Variants in TSHZ2 observed in about 807,000 individuals in gnomAD.
TSHZ2 encodes teashirt homolog 2.
In TSHZ2, 21 loss-of-function variants were observed where a neutral mutation model predicts 74.4. That is an observed-to-expected ratio of 0.28 (90% CI 0.20 to 0.41). The LOEUF (loss-of-function observed/expected upper bound fraction) is 0.41. Among genes scored for constraint, TSHZ2 ranks in the 10% least tolerant of loss-of-function variants. The pLI is 1.00. For synonymous variants in TSHZ2, 540 were observed against 515.3 expected (o/e 1.05, Z -0.65); for missense variants, 1,244 against 1,293.5 (o/e 0.96, Z 0.59).
chr20:53,207,054 A>G (rs2123597842), intron 1 of TSHZ2, among the ~76,000 whole-genome samples: 1 of 152,320 alleles, frequency 6.6e-6, no homozygotes, highest in Non-Finnish European at 1.5e-5. Flanking sequence ...CTGACAAATT[A>G]TCGACTCAAA....
chr20:53,304,178 A>G (rs1291582725), intron 2 of TSHZ2, among the ~76,000 whole-genome samples: 1 of 133,694 alleles, frequency 7.5e-6, no homozygotes, highest in African/African-American at 2.8e-5. Context: ...TCCTAAAGCT[A>G]ACCCTCCCCC....
At chr20:53,378,919 A>G (rs952915335) in intron 2 of TSHZ2, among the ~76,000 whole-genome samples, 1 of 152,204 alleles carries the variant, frequency 6.6e-6, no homozygotes, top group Admixed American at 6.5e-5. Flanking sequence ...ACAGTAAACA[A>G]ATTATTCTTT....
intron 2 of TSHZ2, among the ~76,000 whole-genome samples, chr20:53,314,582 A>G (rs1978921672): frequency 6.7e-6 from 1 of 148,918 alleles, no homozygotes; most frequent in Non-Finnish European, 1.5e-5. Flanking sequence ...TCTCCTTCCA[A>G]TCTCCTTACG....
At chr20:53,472,261 G>A (rs544954346) in intron 2 of TSHZ2, among the ~76,000 whole-genome samples, 152 of 152,336 alleles carry the variant, frequency 1.0e-3, no homozygotes, top group African/African-American at 3.6e-3. Flanking sequence ...GGGCAGATAG[G>A]CGCAGGCCTG....
At chr20:53,374,764 A>G (rs1176064897) in intron 2 of TSHZ2, among the ~76,000 whole-genome samples, 2 of 152,100 alleles carry the variant, frequency 1.3e-5, no homozygotes, top group African/African-American at 4.8e-5. Flanking sequence ...GCATTTTCTC[A>G]TATGCTTCTT....
chr20:53,215,519 C>T (rs1989415817), intron 1 of TSHZ2, among the ~76,000 whole-genome samples: 1 of 149,596 alleles, frequency 6.7e-6, no homozygotes, highest in African/African-American at 2.5e-5. Context: ...TGGAGGCATC[C>T]TAGATTTTTT....
chr20:53,209,985 A>G (rs1568814673), intron 1 of TSHZ2, among the ~76,000 whole-genome samples: 1 of 152,182 alleles, frequency 6.6e-6, no homozygotes, highest in Non-Finnish European at 1.5e-5. Context: ...CCCTCTACAA[A>G]TGCGTTTCAA....
intron 1 of TSHZ2, among the ~76,000 whole-genome samples, chr20:53,068,762 CAT>C (rs1188271205): frequency 6.6e-6 from 1 of 152,054 alleles, no homozygotes; most frequent in Non-Finnish European, 1.5e-5. Flanking sequence ...ATAGGACACC[CAT>C]ATGACTTTTA....
At chr20:53,184,179 A>G (rs186254473) in intron 1 of TSHZ2, among the ~76,000 whole-genome samples, 1 of 152,078 alleles carries the variant, frequency 6.6e-6, no homozygotes, top group Non-Finnish European at 1.5e-5. Context: ...CTTTCCATGC[A>G]TTCTCTCCTT....
At chr20:53,485,960 T>C (rs536867744) in intron 2 of TSHZ2, among the ~76,000 whole-genome samples, 1 of 152,316 alleles carries the variant, frequency 6.6e-6, no homozygotes, top group East Asian at 1.9e-4. Flanking sequence ...CAGATTGTTG[T>C]ACAAACATAA....
intron 1 of TSHZ2, among the ~76,000 whole-genome samples, chr20:53,104,532 T>G (rs1049147184): frequency 1.3e-5 from 2 of 152,136 alleles, no homozygotes; most frequent in Admixed American, 6.5e-5. Context: ...ACCAAAGTCT[T>G]TGTGTGTTTT....
rs754714953 is a variant in TSHZ2, at chr20:53,254,301, C to A, written c.843C>A (p.Gly281=). The A allele has an allele frequency of 2.5e-6, 4 of 1,613,946 alleles. No homozygotes were observed. The highest frequency in any genetic ancestry group is 3.4e-6 in the Non-Finnish European group (4 of 1,180,016). The change falls in exon 2 of 3, where the codon GGC becomes GGA. Residue 281 remains glycine, a synonymous_variant. Coordinates refer to ENST00000371497, the MANE Select transcript of TSHZ2 (RefSeq NM_173485.6). The part of the protein sequence containing the change: ...AQKVLKCMFC[G]DSFDSLQDLS... ...AGGTTCTGAAATGTATGTTTTGTGG[C>A]GACTCCTTTGATTCCCTCCAAGATT...
intron 1 of TSHZ2, among the ~76,000 whole-genome samples, chr20:53,028,056 A>G (rs1219193896): frequency 6.6e-6 from 1 of 152,200 alleles, no homozygotes; most frequent in East Asian, 1.9e-4. Context: ...AGCTGATTTC[A>G]GAGCCATTAA....
chr20:53,430,710 C>A (rs989084408), intron 2 of TSHZ2, among the ~76,000 whole-genome samples: 1 of 151,996 alleles, frequency 6.6e-6, no homozygotes, highest in Non-Finnish European at 1.5e-5. Context: ...TTAAATAAAG[C>A]GAGAAATTTA....
At chr20:53,008,293 T>A (rs943176236) in intron 1 of TSHZ2, among the ~76,000 whole-genome samples, 2 of 152,216 alleles carry the variant, frequency 1.3e-5, no homozygotes, top group African/African-American at 2.4e-5. Flanking sequence ...GGGTGTCACT[T>A]GAACTTAAGC....
chr20:53,062,166 G>T (rs1844051537), intron 1 of TSHZ2, among the ~76,000 whole-genome samples: 2 of 152,170 alleles, frequency 1.3e-5, no homozygotes, highest in Non-Finnish European at 1.5e-5. Context: ...CACATCACCA[G>T]TTAACCTCTC....
chr20:53,486,080 C>T lies in TSHZ2; in HGVS notation c.*9-1064C>T, dbSNP rs544832080. On this transcript the variant is annotated intron_variant, in intron 2 of 2. Coordinates refer to ENST00000371497, the MANE Select transcript of TSHZ2 (RefSeq NM_173485.6). The stretch of plus-strand genomic sequence containing the variant: ...CACCTCATCCCCAGTCCCTGGCAAC[C>T]ATCATTCCTCTTTCTGTTTCTATGA... 1.2e-4 allele frequency among the ~76,000 whole-genome samples: 19 copies of T among 152,192 alleles called. 1 individual carries two copies. In the South Asian group the frequency reaches 3.3e-3, roughly 27 times the overall value.
intron 2 of TSHZ2, among the ~76,000 whole-genome samples, chr20:53,262,244 T>G (rs1293219162): frequency 6.6e-6 from 1 of 152,134 alleles, no homozygotes; most frequent in Non-Finnish European, 1.5e-5. Context: ...CTATCAAGTT[T>G]AAAGCTTTCC....
At chr20:53,206,466 G>A (rs535757354) in intron 1 of TSHZ2, 4 of 152,202 alleles carry the variant, frequency 2.6e-5, no homozygotes, top group African/African-American at 9.6e-5. Flanking sequence ...TTGGTCAAAG[G>A]GTTAAAACAA....
Sources: allele counts gnomAD v4.1 joint callset (sites outside exome capture counted in the v4.1 genomes callset), GRCh38; gene constraint gnomAD v4.1.1; transcripts MANE v1.5; gene names NCBI Gene and HGNC (gene_info 2026-07-23, HGNC 2026-07-21).